Variants in ATRIP observed in about 807,000 individuals in gnomAD.
ATRIP encodes the protein ATR-interacting protein.
A neutral mutation model predicts 78.1 loss-of-function variants in ATRIP; 44 were observed. That is an observed-to-expected ratio of 0.56 (90% CI 0.44 to 0.72). The LOEUF is 0.72. Among genes scored for constraint, ATRIP ranks in the 30% least tolerant of loss-of-function variants. The pLI is 0.00. For synonymous variants in ATRIP, 388 were observed against 408.9 expected (o/e 0.95, Z 0.62); for missense variants, 927 against 980.2 (o/e 0.95, Z 0.72).
rs1378801342 is a variant in ATRIP at position 48,450,161 on chromosome 3, TAAAGA to T, written c.377_381del (p.Glu126AspfsTer11). The T allele has an allele frequency of 1.2e-6, 2 of 1,608,074 alleles. No homozygotes were observed. Among genetic ancestry groups the T allele is most frequent in the South Asian group, 1.1e-5 (1 of 89,084 alleles). On this transcript the variant is annotated frameshift_variant, in exon 2 of 13. Coordinates refer to ENST00000320211, the MANE Select transcript of ATRIP (RefSeq NM_130384.3). LOFTEE classifies it high-confidence loss of function. ...TACTTCAGGCACAATACAAAGAACTTAAAGAAAAGGTAAGTGACTTAACTTGTGGT... is the reference window on the plus strand; with the variant it reads ...TACTTCAGGCACAATACAAAGAACTTAAAGGTAAGTGACTTAACTTGTGGT...
At chr3:48,460,898 C>A in intron 8 of ATRIP, 99 bp downstream of exon 8, 1 of 1,187,108 alleles carries the variant, frequency 8.4e-7, no homozygotes, top group Non-Finnish European at 1.2e-6. Context: ...CTTGACTTAT[C>A]TACACTAGTT....
rs201645015 is a variant in ATRIP at position 48,446,779 on chromosome 3, A to G, written c.-67A>G. 532 of 1,349,662 alleles carry G rather than the reference A, an allele frequency of 3.9e-4. 1 individual carries two copies. Among genetic ancestry groups the G allele is most frequent in the Middle Eastern group, 8.8e-4 (3 of 3,394 alleles). 83.6% of individuals were successfully genotyped at this position (1,349,662 alleles called of 1,614,324 possible). A position where few individuals can be genotyped will look rare whatever the true frequency, so the allele number is the denominator to read the frequency against. On this transcript the variant is annotated 5_prime_UTR_variant, in exon 1 of 13. Transcript: ENST00000320211. ...GCGGCGGCGCGCGGACGGTTGGTCC[A>G]GTTCTCCGGCCTGGCGGCAGGCAAG...
chr3:48,460,374 T>C lies in ATRIP; in HGVS notation c.1320T>C (p.Ala440=). ...HCQALQDLAA[A]KRSGAPGDSP... ...AGGCCCTGCAGGACTTGGCAGCTGCTAAGAGAAGCGGAGCACCTGGGGACT... is the reference window on the plus strand; with the variant it reads ...AGGCCCTGCAGGACTTGGCAGCTGCCAAGAGAAGCGGAGCACCTGGGGACT... Residue 440 remains alanine (A), a synonymous_variant, in exon 8 of 13, where the codon GCT becomes GCC. Transcript: ENST00000320211. 1.2e-6 allele frequency: 2 copies of C among 1,613,564 alleles called. No homozygotes were observed. Among genetic ancestry groups the C allele is most frequent in the Non-Finnish European group, 1.7e-6 (2 of 1,179,716 alleles).
Position 48,467,370 on chromosome 3 carries a change from G to A in ATRIP, c.*1816G>A. The A allele has an allele frequency of 1.9e-6, 3 of 1,614,158 alleles. No homozygotes were observed. Among genetic ancestry groups the A allele is most frequent in the Non-Finnish European group, 2.5e-6 (3 of 1,180,028 alleles). Reference sequence around the variant, plus strand: ...GCCCATGTATGGGGTCACAGCCTCTGCTAGGACCAAGCCAAGACCATCTGC... The same window carrying A: ...GCCCATGTATGGGGTCACAGCCTCTACTAGGACCAAGCCAAGACCATCTGC... On this transcript the variant is annotated 3_prime_UTR_variant, in exon 13 of 13. Coordinates refer to ENST00000320211, the MANE Select transcript of ATRIP (RefSeq NM_130384.3).
Position 48,467,177 on chromosome 3 carries a change from G to A in ATRIP, c.*1623G>A, listed in dbSNP as rs1310282311. ...GCAGCCCCTCAGAACACGGCCCAAG[G>A]AAGAGCTATAGCCTAGGCAGCATCT... On this transcript the variant is annotated 3_prime_UTR_variant, in exon 13 of 13. Transcript: ENST00000320211. 6 of 1,613,754 alleles carry A rather than the reference G, an allele frequency of 3.7e-6. No homozygotes were observed. Among genetic ancestry groups the A allele is most frequent in the Admixed American group, 1.7e-5 (1 of 59,986 alleles).
Position 48,450,915 on chromosome 3 carries a change from G to A in ATRIP, c.381+745G>A, listed in dbSNP as rs190238122. Among the ~76,000 whole-genome samples, 213 of 151,950 alleles carry A rather than the reference G, an allele frequency of 1.4e-3. 1 individual carries two copies. The highest frequency in any genetic ancestry group is 4.0e-3 in the African/African-American group (164 of 41,478). ...TAGAGCCTAAAGAATCCGGCCAGGC[G>A]CGGTGGCTCACACCTGTAATCCCAG... On this transcript the variant is annotated intron_variant, in intron 2 of 12. Coordinates refer to ENST00000320211, the MANE Select transcript of ATRIP (RefSeq NM_130384.3).
At chr3:48,451,687 T>G (rs2039840121) in intron 2 of ATRIP, 42 bp from the exon 3 acceptor site, 1 of 1,537,242 alleles carries the variant, frequency 6.5e-7, no homozygotes, top group Non-Finnish European at 8.8e-7. Flanking sequence ...CTAAGTAGTT[T>G]TCTCTTACAA....
chr3:48,461,209 G>T (rs1165261307), intron 8 of ATRIP, among the ~76,000 whole-genome samples: 1 of 152,184 alleles, frequency 6.6e-6, no homozygotes, highest in Non-Finnish European at 1.5e-5. Flanking sequence ...GCAGCCCACG[G>T]GCTGACCTTG....
intron 4 of ATRIP, among the ~76,000 whole-genome samples, chr3:48,456,404 C>T (rs980481905): frequency 6.6e-5 from 10 of 151,554 alleles, no homozygotes; most frequent in African/African-American, 2.4e-4. Context: ...CATGGTGAAA[C>T]TCTATCTCTA....
chr3:48,458,702 C>G (rs1391661038), intron 5 of ATRIP, among the ~76,000 whole-genome samples: 1 of 152,182 alleles, frequency 6.6e-6, no homozygotes, highest in Non-Finnish European at 1.5e-5. Context: ...TAGAGAGAGA[C>G]AATCTAACAT....
At chr3:48,448,648 G>A (rs148427100) in intron 1 of ATRIP, among the ~76,000 whole-genome samples, 1 of 152,316 alleles carries the variant, frequency 6.6e-6, no homozygotes, top group African/African-American at 2.4e-5. Flanking sequence ...TTACAATACA[G>A]GAACTTTATA....
At chr3:48,461,985 C>T (rs1267344651) in intron 8 of ATRIP, among the ~76,000 whole-genome samples, 5 of 152,066 alleles carry the variant, frequency 3.3e-5, no homozygotes, top group East Asian at 2.0e-4. Context: ...GGATTACAGG[C>T]GTGAGCCACC....
At position 48,466,649 on chromosome 3, in the gene ATRIP, C is replaced by T. The variant is rs1462782243; in HGVS notation, c.*1095C>T. On this transcript the variant is annotated 3_prime_UTR_variant, in exon 13 of 13. Transcript: ENST00000320211. ...CTCCAGGCTCAGCAGCAGGTACGTACCCAACCATGGGCTCGCAGGCCCTGC... is the reference window on the plus strand; with the variant it reads ...CTCCAGGCTCAGCAGCAGGTACGTATCCAACCATGGGCTCGCAGGCCCTGC... 6.2e-7 allele frequency: 1 copy of T among 1,614,012 alleles called. No homozygotes were observed. Among genetic ancestry groups the T allele is most frequent in the East Asian group, 2.2e-5 (1 of 44,850 alleles).
chr3:48,462,976 G>A (rs1221758499), intron 8 of ATRIP, among the ~76,000 whole-genome samples: 1 of 152,140 alleles, frequency 6.6e-6, no homozygotes, highest in Non-Finnish European at 1.5e-5. Flanking sequence ...GCTTCCTAAG[G>A]ACACACTGAG....
In ATRIP at chr3:48,460,239, A is replaced by C. The variant is rs1253884399; in HGVS notation, c.1185A>C (p.Ser395=). The part of the protein sequence containing the change: ...GLNLVARNEC[S]RDGDPAEGGR... ...ATCTGGTTGCCCGGAATGAGTGCTC[A>C]CGTGATGGAGACCCAGCAGAGGGAG... Residue 395 remains serine, a synonymous_variant, in exon 8 of 13, where the codon TCA becomes TCC. Coordinates refer to ENST00000320211, the MANE Select transcript of ATRIP (RefSeq NM_130384.3). The C allele has an allele frequency of 6.2e-7, 1 of 1,614,002 alleles. No individual in the cohort carries two copies. Among genetic ancestry groups the C allele is most frequent in the Non-Finnish European group, 8.5e-7 (1 of 1,180,036 alleles).
In ATRIP at chr3:48,449,108, T is replaced by G. The variant is rs568102696; in HGVS notation, c.248-929T>G. On this transcript the variant is annotated intron_variant, in intron 1 of 12. Coordinates refer to ENST00000320211, the MANE Select transcript of ATRIP (RefSeq NM_130384.3). ...GGAAAGAATAATAGGATCTGTTGTT[T>G]TAGAAGGATCATTTATGAGTTTCAG... 4.5e-4 allele frequency among the ~76,000 whole-genome samples: 68 copies of G among 152,182 alleles called. No homozygotes were observed. The South Asian group carries it at 0.014, about 31-fold the overall frequency.
Position 48,465,881 on chromosome 3 carries a change from G to C in ATRIP, c.*327G>C. The C allele has an allele frequency of 3.1e-6, 1 of 325,208 alleles. No homozygotes were observed. The highest frequency in any genetic ancestry group is 5.9e-6 in the Non-Finnish European group (1 of 168,738). The allele number at this position is 325,208 out of a possible 1,614,324, so 20.1% of individuals were successfully genotyped here. On this transcript the variant is annotated 3_prime_UTR_variant, in exon 13 of 13. Transcript: ENST00000320211. Reference sequence around the variant, plus strand: ...GAAGAAACCATTGTGTGGCAGGGAAGGAGGTGGCTCTTGGCCCAGGCCTAA... The same window carrying C: ...GAAGAAACCATTGTGTGGCAGGGAACGAGGTGGCTCTTGGCCCAGGCCTAA...
chr3:48,457,467 G>A (rs765189266), intron 5 of ATRIP, 51 bp downstream of exon 5: 1 of 1,340,532 alleles, frequency 7.5e-7, no homozygotes, highest in Admixed American at 3.0e-5. Context: ...CAAATATGTG[G>A]CTTAAAACAA....
At chr3:48,459,991 G>T in intron 7 of ATRIP, 75 bp downstream of exon 7, 2 of 1,563,826 alleles carry the variant, frequency 1.3e-6, no homozygotes, top group South Asian at 2.4e-5. Flanking sequence ...GCCCTGGCCA[G>T]CCTGAGAAGT....
Sources: gnomAD v4.1 joint callset for allele counts (sites outside exome capture counted in the v4.1 genomes callset) on GRCh38, gnomAD v4.1.1 for gene constraint, MANE v1.5 for transcripts, NCBI Gene and HGNC (gene_info 2026-07-23, HGNC 2026-07-21) for gene names.